Variants in ACTR3 observed in about 807,000 individuals in gnomAD.
The protein encoded by ACTR3 is actin related protein 3.
ACTR3 carries 12 observed loss-of-function variants against 56.8 expected under a neutral mutation model. The observed-to-expected ratio is 0.21, with a 90% CI of 0.14 to 0.34. The LOEUF (loss-of-function observed/expected upper bound fraction) is 0.34. Among genes scored for constraint, ACTR3 ranks in the 10% least tolerant of loss-of-function variants. The probability of loss-of-function intolerance (pLI) is 1.00; values close to 1 mark genes in which losing one functional copy is unlikely to be tolerated. For synonymous variants in ACTR3, 162 were observed against 167.4 expected, an observed-to-expected ratio of 0.97 and a Z score of 0.25; for missense variants, 282 against 512.5, an observed-to-expected ratio of 0.55 and a Z score of 4.34.
intron 1 of ACTR3, among the ~76,000 whole-genome samples, chr2:113,895,493 A>ACCC (rs34184995): frequency 0.045 from 6,873 of 152,136 alleles, 504 homozygotes; most frequent in African/African-American, 0.16. Flanking sequence ...CATCAGAAAC[A>ACCC]CCCCATACCC....
At position 113,959,490 on chromosome 2, in the gene ACTR3, C is replaced by T. The variant is rs1303157059; in HGVS notation, c.*2035C>T. On this transcript the variant is annotated 3_prime_UTR_variant, in exon 12 of 12. Transcript: ENST00000263238. ...GATGACAATCTCAGGCATATTTATA[C>T]AGAGATGTTCTTAACTGTTTGCTAC... is the stretch of plus-strand genomic sequence containing the variant. 6.6e-6 allele frequency: 1 copy of T among 152,020 alleles called. No individual in the cohort carries two copies. The highest frequency in any genetic ancestry group is 2.4e-5 in the African/African-American group (1 of 41,422). 9.4% of individuals were successfully genotyped at this position (152,020 alleles called of 1,614,324 possible). A position where few individuals can be genotyped will look rare whatever the true frequency, so the allele number is the denominator to read the frequency against.
chr2:113,921,368 A>AAACATCCTC (rs1285700434), intron 3 of ACTR3, among the ~76,000 whole-genome samples: 7 of 142,116 alleles, frequency 4.9e-5, no homozygotes, highest in South Asian at 2.2e-4. Flanking sequence ...TATATTCTGG[A>AAACATCCTC]TGTTAATCCT....
intron 2 of ACTR3, 123 bp from the exon 3 acceptor site, chr2:113,916,761 G>T: frequency 1.3e-6 from 1 of 746,164 alleles, no homozygotes. Context: ...GAATTAGTTT[G>T]ACAATTTAAA....
At chr2:113,890,385 G>T in intron 1 of ACTR3, 62 bp downstream of exon 1, 1 of 1,419,966 alleles carries the variant, frequency 7.0e-7, no homozygotes, top group South Asian at 1.3e-5. Context: ...TGGCGGGGGA[G>T]GGAGGAGGCC....
At chr2:113,940,191 A>T in intron 7 of ACTR3, 89 bp downstream of exon 7, 2 of 1,132,352 alleles carry the variant, frequency 1.8e-6, no homozygotes, top group Non-Finnish European at 2.5e-6. Flanking sequence ...GAAGAAGAGT[A>T]CTTGAAATAA....
chr2:113,909,222 ATTTATTCTTGTGTTTTG>A (rs1679258167), intron 1 of ACTR3, among the ~76,000 whole-genome samples: 5 of 152,118 alleles, frequency 3.3e-5, no homozygotes, highest in African/African-American at 1.2e-4. Context: ...TACTGTATGC[ATTTATTCTTGTGTTTTG>A]AGAAGAGCAT....
chr2:113,934,515 T>C (rs896872976), intron 6 of ACTR3, 129 bp downstream of exon 6: 15 of 547,296 alleles, frequency 2.7e-5, no homozygotes, highest in Non-Finnish European at 4.1e-5. Context: ...TGTCCAGTTA[T>C]AGCTATGTTT....
At position 113,951,812 on chromosome 2, in the gene ACTR3, A is replaced by G. The variant is rs1574384913; in HGVS notation, c.1044A>G (p.Lys348=). 1.2e-6 allele frequency: 2 copies of G among 1,613,572 alleles called. No homozygotes were observed. Among genetic ancestry groups the G allele is most frequent in the East Asian group, 2.2e-5 (1 of 44,864 alleles). Residue 348 remains lysine (K), a synonymous_variant, in exon 10 of 12, where the codon AAA becomes AAG. Coordinates refer to ENST00000263238, the MANE Select transcript of ACTR3 (RefSeq NM_005721.5). ...AAAGAACTGTAGATGCCCGGCTGAA[A>G]TTAAGTGAGGAATTGAGTGGTGGTA... ...DLKRTVDARL[K]LSEELSGGRL...
chr2:113,934,432 C>T, intron 6 of ACTR3, 46 bp downstream of exon 6: 1 of 1,201,392 alleles, frequency 8.3e-7, no homozygotes, highest in Non-Finnish European at 1.2e-6. Flanking sequence ...AATAACACAT[C>T]TGGCAAAGTT....
intron 1 of ACTR3, chr2:113,890,776 C>T (rs1044631290): frequency 3.0e-6 from 3 of 1,015,980 alleles, no homozygotes; most frequent in East Asian, 9.8e-5. Flanking sequence ...AGAAGCGCTC[C>T]TGGTAGGTTT....
intron 1 of ACTR3, among the ~76,000 whole-genome samples, chr2:113,899,395 C>T (rs1679061021): frequency 6.6e-6 from 1 of 152,134 alleles, no homozygotes. Flanking sequence ...AATAGAAGAA[C>T]TTAAAGTAAT....
At position 113,934,327 on chromosome 2, in the gene ACTR3, C is replaced by A. The variant is rs368132967; in HGVS notation, c.481C>A (p.Arg161=). ...ASWTSRQVGE[R]TLTGTVIDSG... is the part of the protein sequence containing the mutation. ...TTGGACCTCAAGACAAGTAGGAGAA[C>A]GGACGTTGACCGGTACGGTAATAGA... Residue 161 remains arginine, a synonymous_variant, in exon 6 of 12, where the codon CGG becomes AGG. Transcript: ENST00000263238. 55 of 1,607,418 alleles carry A rather than the reference C, an allele frequency of 3.4e-5. No individual in the cohort carries two copies. The African/African-American group carries it at 7.2e-4, about 21-fold the overall frequency.
At chr2:113,893,980 G>T (rs993269237) in intron 1 of ACTR3, among the ~76,000 whole-genome samples, 3 of 152,146 alleles carry the variant, frequency 2.0e-5, no homozygotes, top group African/African-American at 7.2e-5. Flanking sequence ...AGATAAGAAT[G>T]ATCTTGTTTG....
intron 6 of ACTR3, among the ~76,000 whole-genome samples, chr2:113,939,067 A>G (rs947530203): frequency 5.3e-5 from 8 of 149,620 alleles, no homozygotes; most frequent in African/African-American, 2.0e-4. Context: ...TCTGTCGCCC[A>G]GGCTGGAGTG....
intron 6 of ACTR3, among the ~76,000 whole-genome samples, chr2:113,938,026 T>C (rs1216830060): frequency 6.6e-6 from 1 of 152,096 alleles, no homozygotes; most frequent in Non-Finnish European, 1.5e-5. Flanking sequence ...GTACATTTAT[T>C]TTTTTATAAT....
chr2:113,931,261 A>G, intron 4 of ACTR3, 40 bp from the exon 5 acceptor site: 1 of 1,192,720 alleles, frequency 8.4e-7, no homozygotes, highest in Non-Finnish European at 1.2e-6. Context: ...TATCAAAATA[A>G]TCTGATATTA....
intron 8 of ACTR3, among the ~76,000 whole-genome samples, chr2:113,949,176 G>A (rs1277440833): frequency 1.3e-5 from 2 of 151,288 alleles, no homozygotes; most frequent in African/African-American, 2.4e-5. Context: ...TCAGGAGTTC[G>A]AGATCAGCCT....
At chr2:113,943,586 TGAATA>T (rs1679962848) in intron 8 of ACTR3, among the ~76,000 whole-genome samples, 1 of 152,126 alleles carries the variant, frequency 6.6e-6, no homozygotes, top group African/African-American at 2.4e-5. Flanking sequence ...AGATGAAAGA[TGAATA>T]GTATTTGTGG....
chr2:113,929,551 G>GGGTA (rs1169284547), intron 4 of ACTR3, among the ~76,000 whole-genome samples: 1 of 152,110 alleles, frequency 6.6e-6, no homozygotes, highest in East Asian at 1.9e-4. Context: ...CAGCGTCATA[G>GGGTA]GGTAGGTACC....
Sources: gnomAD v4.1 joint callset for allele counts (sites outside exome capture counted in the v4.1 genomes callset) on GRCh38, gnomAD v4.1.1 for gene constraint, MANE v1.5 for transcripts, NCBI Gene and HGNC (gene_info 2026-07-23, HGNC 2026-07-21) for gene names.